The following MGA variants were observed in gnomAD, a reference collection of about 807,000 sequenced individuals.
MGA encodes the protein MAX gene-associated protein.
Under a neutral mutation model 261.1 loss-of-function variants are expected in MGA, and 40 were observed. That is an observed-to-expected ratio of 0.15 (90% CI 0.12 to 0.20). The LOEUF (loss-of-function observed/expected upper bound fraction) is 0.20, where lower values mean the gene tolerates loss of function less well. MGA is among the 10% of genes least tolerant of loss of function. The pLI, the probability that MGA is intolerant of heterozygous loss-of-function variation, is 1.00. For missense variants in MGA, 3,397 were observed against 3,630.5 expected (o/e 0.94, Z 1.65); for synonymous variants, 1,302 against 1,290.6 (o/e 1.01, Z -0.19).
At chr15:41,625,893 T>C (rs2140927156) in intron 1 of MGA, among the ~76,000 whole-genome samples, 1 of 152,320 alleles carries the variant, frequency 6.6e-6, no homozygotes, top group South Asian at 2.1e-4. Context: ...TATATATCCC[T>C]TTATAGTACT....
chr15:41,760,256 A>G, intron 19 of MGA, 67 bp from the exon 20 acceptor site: 2 of 1,490,842 alleles, frequency 1.3e-6, no homozygotes, highest in East Asian at 2.3e-5. Context: ...GGGCAGTGTC[A>G]TTTGAAACAG....
At chr15:41,706,640 G>C (rs971057252) in intron 5 of MGA, among the ~76,000 whole-genome samples, 1 of 148,266 alleles carries the variant, frequency 6.7e-6, no homozygotes, top group African/African-American at 2.5e-5. Flanking sequence ...GAGCGCAGTG[G>C]CATCATCTCG....
intron 1 of MGA, among the ~76,000 whole-genome samples, chr15:41,625,490 G>C (rs1024509833): frequency 6.7e-6 from 1 of 149,916 alleles, no homozygotes; most frequent in Non-Finnish European, 1.5e-5. Flanking sequence ...CACACTAAAC[G>C]CTTGCTCCTT....
chr15:41,694,945 G>C (rs1224484286), intron 2 of MGA, among the ~76,000 whole-genome samples: 1 of 152,042 alleles, frequency 6.6e-6, no homozygotes, highest in Non-Finnish European at 1.5e-5. Flanking sequence ...TATAAATGCT[G>C]TTTTCAGTCA....
chr15:41,697,059 T>C (rs2059577488), intron 3 of MGA, 36 bp downstream of exon 3: 2 of 1,427,778 alleles, frequency 1.4e-6, no homozygotes, highest in Admixed American at 2.7e-5. Flanking sequence ...TTAAGGCTAA[T>C]TAGTCATACT....
chr15:41,759,466 T>TA (rs2063333268), intron 19 of MGA, among the ~76,000 whole-genome samples: 2 of 34,002 alleles, frequency 5.9e-5, no homozygotes, highest in African/African-American at 1.1e-4. Context: ...GTGTGTGTAT[T>TA]TTTTTTTTTT....
At chr15:41,708,974 C>T (rs922287948) in intron 7 of MGA, among the ~76,000 whole-genome samples, 3 of 152,192 alleles carry the variant, frequency 2.0e-5, no homozygotes, top group Non-Finnish European at 4.4e-5. Context: ...AAATACTTTT[C>T]TCACCTTTTG....
At chr15:41,709,630 T>C (rs1355465485) in intron 7 of MGA, among the ~76,000 whole-genome samples, 1 of 151,478 alleles carries the variant, frequency 6.6e-6, no homozygotes, top group Non-Finnish European at 1.5e-5. Flanking sequence ...AGAGCTGGGG[T>C]TTGTGATGTT....
At chr15:41,692,267 T>C (rs1411033728) in intron 2 of MGA, among the ~76,000 whole-genome samples, 1 of 152,220 alleles carries the variant, frequency 6.6e-6, no homozygotes, top group African/African-American at 2.4e-5. Flanking sequence ...ATTGGTAGAC[T>C]ACATGTTCTC....
chr15:41,629,076 A>G (rs2056529653), intron 1 of MGA, among the ~76,000 whole-genome samples: 1 of 147,134 alleles, frequency 6.8e-6, no homozygotes. Context: ...ACTGCACTCC[A>G]GCCTGGGCGA....
intron 2 of MGA, 78 bp from the exon 3 acceptor site, chr15:41,695,997 T>C: frequency 3.7e-6 from 1 of 269,662 alleles, no homozygotes; most frequent in Non-Finnish European, 6.1e-6. Flanking sequence ...TCCTAACATC[T>C]TTTTTTTTTT....
chr15:41,739,890 T>C lies in MGA; in HGVS notation c.4435-163T>C, dbSNP rs1485618035. 2 of 1,604,782 alleles carry C rather than the reference T, an allele frequency of 1.2e-6. No homozygotes were observed. Among genetic ancestry groups the C allele is most frequent in the Non-Finnish European group, 1.7e-6 (2 of 1,173,964 alleles). On this transcript the variant is annotated intron_variant, in intron 13 of 23. Coordinates refer to ENST00000219905, the MANE Select transcript of MGA (RefSeq NM_001164273.2). ...AATTTTATCTTTACAGAATTTCTCT[T>C]TGCCACTTGTTTCAGGTTAATGGTA...
At chr15:41,731,710 A>G (rs188252102) in intron 11 of MGA, among the ~76,000 whole-genome samples, 2 of 152,366 alleles carry the variant, frequency 1.3e-5, no homozygotes, top group Non-Finnish European at 1.5e-5. Flanking sequence ...TATTCATAGC[A>G]TATAATCCTA....
chr15:41,683,779 C>T (rs896605692), intron 2 of MGA, among the ~76,000 whole-genome samples: 1 of 151,778 alleles, frequency 6.6e-6, no homozygotes, highest in African/African-American at 2.4e-5. Context: ...TGGGGTTTCG[C>T]CATGTTGCCC....
Position 41,662,364 on chromosome 15 carries a change from C to A in MGA, c.-68+1839C>A, listed in dbSNP as rs1245448534. ...TCCATTCTTAGGAATAAAAAATACT[C>A]CTGCGGCTAGCAGTAACAAATGATA... On this transcript the variant is annotated intron_variant, in intron 1 of 23. Coordinates refer to ENST00000219905, the MANE Select transcript of MGA (RefSeq NM_001164273.2). 2.0e-5 allele frequency among the ~76,000 whole-genome samples: 3 copies of A among 152,152 alleles called. No individual in the cohort carries two copies. In the East Asian group the frequency reaches 5.8e-4, roughly 29 times the overall value.
At position 41,766,935 on chromosome 15, in the gene MGA, T is replaced by C; in HGVS notation, c.8853T>C (p.Thr2951=). 1 of 1,613,992 alleles carries C rather than the reference T, an allele frequency of 6.2e-7. No homozygotes were observed. Among genetic ancestry groups the C allele is most frequent in the Non-Finnish European group, 8.5e-7 (1 of 1,179,866 alleles). The change falls in exon 24 of 24, where the codon ACT becomes ACC. Residue 2951 remains threonine (T), a synonymous_variant. Coordinates refer to ENST00000219905, the MANE Select transcript of MGA (RefSeq NM_001164273.2). ...AAGCTATTGATGGAGGGAAGAATAC[T>C]TCTGGCCTCCCTGCAGAGCCCGAAA...
At chr15:41,672,791 A>ACTAT (rs1258613205) in intron 2 of MGA, among the ~76,000 whole-genome samples, 2 of 152,136 alleles carry the variant, frequency 1.3e-5, no homozygotes, top group Non-Finnish European at 2.9e-5. Context: ...TAAAATATTT[A>ACTAT]CTATCTGTTC....
intron 1 of MGA, among the ~76,000 whole-genome samples, chr15:41,625,841 A>T (rs927302306): frequency 6.6e-6 from 1 of 152,236 alleles, no homozygotes; most frequent in African/African-American, 2.4e-5. Flanking sequence ...AACAAAGCAG[A>T]TTACAAAATT....
At position 41,742,489 on chromosome 15, in the gene MGA, C is replaced by T. The variant is rs1029559705; in HGVS notation, c.4586-57C>T. ...CAGTAAATGTCGGTAAGCACAGTCA[C>T]TAAGAGGATAAAATATGAGAACTGA... On this transcript the variant is annotated intron_variant, in intron 14 of 23. Transcript: ENST00000219905. The T allele has an allele frequency of 1.4e-4, 213 of 1,574,430 alleles. 2 individuals are homozygous for T. The South Asian group carries it at 1.6e-3, about 12-fold the overall frequency.
Sources: allele counts gnomAD v4.1 joint callset (sites outside exome capture counted in the v4.1 genomes callset), GRCh38; gene constraint gnomAD v4.1.1; transcripts MANE v1.5; gene names NCBI Gene and HGNC (gene_info 2026-07-23, HGNC 2026-07-21).